KYAT3: variants seen among roughly 807,000 people sequenced by gnomAD.
The protein encoded by KYAT3 is kynurenine--oxoglutarate transaminase 3.
In KYAT3, 50 loss-of-function variants were observed where a neutral mutation model predicts 59.0. The ratio of observed to expected loss-of-function variants is 0.85; its 90% CI spans 0.68 to 1.07. The LOEUF (loss-of-function observed/expected upper bound fraction) is 1.07, where lower values mean the gene tolerates loss of function less well. Ranked by LOEUF, KYAT3 falls within the 50% of genes least tolerant of loss-of-function variation. The pLI, the probability that KYAT3 is intolerant of heterozygous loss-of-function variation, is 0.00. For missense variants in KYAT3, 497 were observed against 533.3 expected, an observed-to-expected ratio of 0.93 and a Z score of 0.67; for synonymous variants, 148 against 177.0, an observed-to-expected ratio of 0.84 and a Z score of 1.30.
chr1:88,941,208 A>AG lies in KYAT3; in HGVS notation c.1302+1796_1302+1797insC, dbSNP rs1675220624. On this transcript the variant is annotated intron_variant, in intron 13 of 13. Coordinates refer to ENST00000260508, the MANE Select transcript of KYAT3 (RefSeq NM_001008661.3). The stretch of plus-strand genomic sequence containing the variant: ...ATTACCGTTCTTTAAAATTTCAGTC[A>AG]ATTGAATGTTTACATTGTTAGGTTG... 6.6e-5 allele frequency among the ~76,000 whole-genome samples: 10 copies of AG among 152,320 alleles called. No individual in the cohort carries two copies. In the South Asian group the frequency reaches 2.1e-3, roughly 32 times the overall value.
At chr1:88,929,535 C>T in the KYAT3 span, among the ~76,000 whole-genome samples, 1 of 152,190 alleles carries the variant, frequency 6.6e-6, no homozygotes, top group African/African-American at 2.4e-5. Flanking sequence ...TCTATTTGGC[C>T]AGGCATTAGC....
In KYAT3 at chr1:88,936,087, G is replaced by T; in HGVS notation, c.*96C>A. 2 of 773,384 alleles carry T rather than the reference G, an allele frequency of 2.6e-6. No homozygotes were observed. The highest frequency in any genetic ancestry group is 4.3e-6 in the Non-Finnish European group (2 of 468,460). The allele number at this position is 773,384 out of a possible 1,614,324, so 47.9% of individuals were successfully genotyped here. The stretch of plus-strand genomic sequence containing the variant: ...CAATGGAAATATTTAAATTCCAGTT[G>T]TACTGAAATACCTTTTAACATCCAG... On this transcript the variant is annotated 3_prime_UTR_variant, in exon 14 of 14. Transcript: ENST00000260508.
chr1:88,983,581 T>C (rs756505224), intron 2 of KYAT3: 7 of 1,614,250 alleles, frequency 4.3e-6, no homozygotes, highest in Non-Finnish European at 5.1e-6. Flanking sequence ...TGGTGGCTTG[T>C]TCCACCTTGA....
chr1:88,932,020 G>A (rs1332134597), downstream of KYAT3, among the ~76,000 whole-genome samples: 1 of 151,392 alleles, frequency 6.6e-6, no homozygotes, highest in African/African-American at 2.4e-5. Flanking sequence ...GGTAATCTTA[G>A]GGCTGTTGGA....
intron 10 of KYAT3, among the ~76,000 whole-genome samples, chr1:88,950,497 CTT>C (rs567480434): frequency 1.4e-5 from 2 of 145,490 alleles, no homozygotes; most frequent in Admixed American, 6.9e-5. Flanking sequence ...TTAGCTATAT[CTT>C]TTTTTTTTTT....
At chr1:88,958,572 T>C (rs899902026) in intron 8 of KYAT3, among the ~76,000 whole-genome samples, 2 of 152,348 alleles carry the variant, frequency 1.3e-5, no homozygotes, top group Non-Finnish European at 2.9e-5. Context: ...TACCACACAA[T>C]TTTCTTAAGC....
chr1:88,978,629 C>G (rs1676913468), intron 2 of KYAT3, among the ~76,000 whole-genome samples: 1 of 152,024 alleles, frequency 6.6e-6, no homozygotes, highest in South Asian at 2.1e-4. Flanking sequence ...TCCTGAGTAG[C>G]TGGGACTACA....
At chr1:88,975,378 C>T (rs1676740456) in intron 2 of KYAT3, among the ~76,000 whole-genome samples, 1 of 152,152 alleles carries the variant, frequency 6.6e-6, no homozygotes, top group Non-Finnish European at 1.5e-5. Context: ...GTCTTGATCT[C>T]CTGACCTCGT....
At position 88,962,307 on chromosome 1, in the gene KYAT3, C is replaced by T. The variant is rs185589687; in HGVS notation, c.454-162G>A. Among the ~76,000 whole-genome samples the T allele has an allele frequency of 3.8e-3, 572 of 152,202 alleles. 3 individuals carry two copies. The highest frequency in any genetic ancestry group is 4.9e-3 in the Non-Finnish European group (330 of 68,000). On this transcript the variant is annotated intron_variant, in intron 5 of 13. Transcript: ENST00000260508. ...GCTAACATCTGAGGGGAAGAGACCT[C>T]GGAGACAAACTTGTCCAGGTAGTCT...
At chr1:88,981,050 C>G (rs1269246245) in intron 2 of KYAT3, 2 of 152,186 alleles carry the variant, frequency 1.3e-5, no homozygotes, top group Non-Finnish European at 2.9e-5. Context: ...GAGAACATTA[C>G]ACTATTGGCT....
intron 1 of KYAT3, among the ~76,000 whole-genome samples, chr1:88,989,877 G>A (rs1326134011): frequency 1.3e-5 from 2 of 152,158 alleles, no homozygotes; most frequent in Admixed American, 6.5e-5. Flanking sequence ...CCTGGCTGTG[G>A]ACTGCTGGAG....
chr1:88,981,468 CT>C (rs2101079198), intron 2 of KYAT3: 1 of 154,374 alleles, frequency 6.5e-6, no homozygotes, highest in Non-Finnish European at 1.5e-5. Flanking sequence ...ATTACTTCCC[CT>C]TTTCCATTTG....
the KYAT3 span, among the ~76,000 whole-genome samples, chr1:88,924,167 A>G: frequency 6.6e-6 from 1 of 152,228 alleles, no homozygotes; most frequent in Non-Finnish European, 1.5e-5. Context: ...CAGTCCGTAT[A>G]GAAACCAGCA....
rs1459479095 is a variant in KYAT3 at position 88,936,195 on chromosome 1, T to G, written c.1353A>C (p.Val451=). 6.2e-7 allele frequency: 1 copy of G among 1,610,172 alleles called. No individual in the cohort carries two copies. The highest frequency in any genetic ancestry group is 8.5e-7 in the Non-Finnish European group (1 of 1,176,942). ...CATTCTGCACAAATCAAGACTTCTG[T>G]ACACTCCATGCCTTGATGATTTCTT... The part of the protein sequence containing the change: ...AAEEIIKAWS[V]QKS Residue 451 remains valine, a synonymous_variant, in exon 14 of 14, where the codon GTA becomes GTC. Coordinates refer to ENST00000260508, the MANE Select transcript of KYAT3 (RefSeq NM_001008661.3).
chr1:88,968,561 C>T, intron 4 of KYAT3, 109 bp downstream of exon 4: 1 of 869,626 alleles, frequency 1.1e-6, no homozygotes, highest in Non-Finnish European at 1.7e-6. Flanking sequence ...GACAGCTGGT[C>T]CCAGAAAGTC....
chr1:88,989,620 A>G (rs1677670560), intron 1 of KYAT3, among the ~76,000 whole-genome samples: 3 of 152,294 alleles, frequency 2.0e-5, no homozygotes, highest in African/African-American at 7.2e-5. Flanking sequence ...ATTACATTGC[A>G]TGATGGAGGT....
chr1:88,949,174 A>G lies in KYAT3; in HGVS notation c.1058T>C (p.Met353Thr). ...PKELEVKRDRMVRLLESVGLK... is the reference protein window; with the variant it reads ...PKELEVKRDRTVRLLESVGLK... The stretch of plus-strand genomic sequence containing the variant: ...GCCAACACTTTCAAGTAAACGTACC[A>G]TCCGATCTCTTTTTACTTCTAACTC... The change falls in exon 11 of 14, where the codon ATG (methionine) becomes ACG (threonine). Residue 353 changes from methionine to threonine, a missense_variant. Met to Thr is a moderately conservative substitution (Grantham distance 81). This residue lies in a region of KYAT3 where 469 missense variants were observed against 479.1 expected (regional missense o/e 0.98). Transcript: ENST00000260508. The G allele has an allele frequency of 6.2e-7, 1 of 1,611,286 alleles. No homozygotes were observed. Among genetic ancestry groups the G allele is most frequent in the South Asian group, 1.1e-5 (1 of 90,496 alleles).
chr1:88,964,619 T>C (rs1399412906), intron 5 of KYAT3: 1 of 503,152 alleles, frequency 2.0e-6, no homozygotes, highest in Non-Finnish European at 3.6e-6. Context: ...AAATGTATCA[T>C]ATCTTTGTCT....
At chr1:88,950,947 CAA>C (rs1675642182) in intron 10 of KYAT3, among the ~76,000 whole-genome samples, 3 of 152,218 alleles carry the variant, frequency 2.0e-5, no homozygotes, top group Admixed American at 2.0e-4. Flanking sequence ...ACTCTTCTCT[CAA>C]TCATTCCATT....
Sources: allele counts gnomAD v4.1 joint callset (sites outside exome capture counted in the v4.1 genomes callset), GRCh38; gene constraint gnomAD v4.1.1; regional missense constraint gnomAD v4.1.1; transcripts MANE v1.5; gene names NCBI Gene and HGNC (gene_info 2026-07-23, HGNC 2026-07-21).